ELMO1: variants seen among roughly 807,000 people sequenced by gnomAD.
The protein encoded by ELMO1 is engulfment and cell motility protein 1.
A neutral mutation model predicts 98.9 loss-of-function variants in ELMO1; 26 were observed. The observed-to-expected ratio is 0.26, with a 90% CI of 0.19 to 0.36. ELMO1 has a LOEUF of 0.36. ELMO1 is among the 10% of genes least tolerant of loss of function. The probability of loss-of-function intolerance (pLI) is 1.00; values close to 1 mark genes in which losing one functional copy is unlikely to be tolerated. For synonymous variants in ELMO1, 346 were observed against 346.0 expected, an observed-to-expected ratio of 1.00 and a Z score of 0.00; for missense variants, 627 against 935.2, an observed-to-expected ratio of 0.67 and a Z score of 4.30.
intron 1 of ELMO1, among the ~76,000 whole-genome samples, chr7:37,362,890 G>A (rs1272376389): frequency 6.6e-6 from 1 of 152,218 alleles, no homozygotes; most frequent in African/African-American, 2.4e-5. Context: ...AGACATGTGA[G>A]TGGAAGTGAC....
chr7:37,397,065 G>T (rs1018924531), intron 1 of ELMO1, among the ~76,000 whole-genome samples: 2 of 152,158 alleles, frequency 1.3e-5, no homozygotes, highest in Admixed American at 1.3e-4. Context: ...TTCTCAGAAA[G>T]AAATAAACTG....
intron 16 of ELMO1, among the ~76,000 whole-genome samples, chr7:36,896,405 G>C (rs1806000784): frequency 6.6e-6 from 1 of 152,312 alleles, no homozygotes; most frequent in East Asian, 1.9e-4. Context: ...AAGAAAGGTG[G>C]ACATGGCCAA....
At chr7:37,361,813 TA>T (rs67541987) in intron 1 of ELMO1, among the ~76,000 whole-genome samples, 25,999 of 151,956 alleles carry the variant, frequency 0.17, 2,858 homozygotes, top group East Asian at 0.59. Flanking sequence ...ACAAAAAAAT[TA>T]ACCAGGCGTG....
At chr7:37,278,474 A>G (rs1796970162) in intron 4 of ELMO1, among the ~76,000 whole-genome samples, 1 of 152,018 alleles carries the variant, frequency 6.6e-6, no homozygotes, top group Non-Finnish European at 1.5e-5. Flanking sequence ...CCACTACTGC[A>G]CTCCAGCCTA....
intron 15 of ELMO1, among the ~76,000 whole-genome samples, chr7:37,054,895 A>G (rs1249181019): frequency 6.6e-6 from 1 of 152,254 alleles, no homozygotes; most frequent in Non-Finnish European, 1.5e-5. Context: ...AATGTGAAAC[A>G]GACAAGCTTC....
chr7:37,257,873 C>T (rs1795762883), intron 6 of ELMO1, among the ~76,000 whole-genome samples: 1 of 151,250 alleles, frequency 6.6e-6, no homozygotes. Flanking sequence ...GTGTCACACG[C>T]CTGTAGTCCC....
At chr7:36,866,307 T>G (rs1443115495) in intron 20 of ELMO1, among the ~76,000 whole-genome samples, 2 of 152,258 alleles carry the variant, frequency 1.3e-5, no homozygotes, top group Non-Finnish European at 2.9e-5. Context: ...TGAGAAACTT[T>G]CTGATCCCTG....
At chr7:37,056,679 C>T (rs888547328) in intron 15 of ELMO1, among the ~76,000 whole-genome samples, 3 of 152,218 alleles carry the variant, frequency 2.0e-5, no homozygotes, top group Admixed American at 2.0e-4. Flanking sequence ...CTGGCACCAA[C>T]AGATGGAAAC....
chr7:37,237,285 T>TTTTA (rs933147334), intron 7 of ELMO1, among the ~76,000 whole-genome samples: 2 of 152,088 alleles, frequency 1.3e-5, no homozygotes, highest in Admixed American at 6.6e-5. Flanking sequence ...TAATACAGAA[T>TTTTA]TTTATTTATT....
intron 16 of ELMO1, chr7:36,997,751 G>C (rs1050299931): frequency 2.0e-5 from 3 of 152,658 alleles, no homozygotes; most frequent in African/African-American, 4.8e-5. Flanking sequence ...AGTGGTAGGA[G>C]AGGAAAAGAG....
chr7:37,442,975 G>T (rs1805470003), intron 1 of ELMO1, among the ~76,000 whole-genome samples: 1 of 152,198 alleles, frequency 6.6e-6, no homozygotes, highest in South Asian at 2.1e-4. Flanking sequence ...CTCTAAGTAT[G>T]CTTGTGACAT....
intron 13 of ELMO1, among the ~76,000 whole-genome samples, chr7:37,175,445 G>A (rs1037551818): frequency 3.9e-5 from 6 of 152,184 alleles, no homozygotes; most frequent in Admixed American, 1.3e-4. Context: ...AAACCAAACA[G>A]CAGTTGAGAC....
intron 13 of ELMO1, among the ~76,000 whole-genome samples, chr7:37,136,175 G>C (rs1787250174): frequency 6.6e-6 from 1 of 152,076 alleles, no homozygotes; most frequent in Non-Finnish European, 1.5e-5. Flanking sequence ...CAAAGACAAA[G>C]AAAAAAGAAT....
chr7:36,873,111 G>A (rs1803663171), intron 19 of ELMO1, among the ~76,000 whole-genome samples: 1 of 152,138 alleles, frequency 6.6e-6, no homozygotes, highest in African/African-American at 2.4e-5. Flanking sequence ...GAGACCAGCT[G>A]CTACATCATT....
At chr7:37,172,721 G>T (rs760422680) in intron 13 of ELMO1, among the ~76,000 whole-genome samples, 2 of 152,104 alleles carry the variant, frequency 1.3e-5, no homozygotes, top group African/African-American at 4.8e-5. Flanking sequence ...CCAACTACTC[G>T]ATTTCCAAGT....
At position 37,164,345 on chromosome 7, in the gene ELMO1, G is replaced by C. The variant is rs559844519; in HGVS notation, c.1087-31111C>G. On this transcript the variant is annotated intron_variant, in intron 13 of 21. Transcript: ENST00000310758. Reference sequence around the variant, plus strand: ...GTGCAGAAGCTCTTTAGTTTAATTAGATCCCATTTGTCAATTTTGGCTTTT... The same window carrying C: ...GTGCAGAAGCTCTTTAGTTTAATTACATCCCATTTGTCAATTTTGGCTTTT... Among the ~76,000 whole-genome samples, 608 of 152,140 alleles carry C rather than the reference G, an allele frequency of 4.0e-3. 2 individuals are homozygous for C. Among genetic ancestry groups the C allele is most frequent in the African/African-American group, 0.013 (550 of 41,548 alleles).
intron 14 of ELMO1, among the ~76,000 whole-genome samples, chr7:37,111,303 T>C (rs1358449666): frequency 6.6e-6 from 1 of 152,154 alleles, no homozygotes; most frequent in Admixed American, 6.5e-5. Flanking sequence ...CAGTCCCTCA[T>C]ATTGCTAAGA....
intron 4 of ELMO1, 114 bp downstream of exon 4, chr7:37,314,736 G>T: frequency 2.3e-6 from 2 of 862,232 alleles, no homozygotes; most frequent in Non-Finnish European, 3.5e-6. Context: ...TATTTTCGTG[G>T]ATAGTAGAGA....
intron 13 of ELMO1, among the ~76,000 whole-genome samples, chr7:37,145,372 A>G (rs892426795): frequency 2.0e-5 from 3 of 152,202 alleles, no homozygotes; most frequent in Non-Finnish European, 4.4e-5. Context: ...CATTTTAAAT[A>G]TACTTGCTGT....
Sources: allele counts gnomAD v4.1 joint callset (sites outside exome capture counted in the v4.1 genomes callset), GRCh38; gene constraint gnomAD v4.1.1; transcripts MANE v1.5; gene names NCBI Gene and HGNC (gene_info 2026-07-23, HGNC 2026-07-21).